Variants in DLGAP2 observed in about 807,000 individuals in gnomAD.
The protein encoded by DLGAP2 is disks large-associated protein 2.
DLGAP2 carries 26 observed loss-of-function variants against 100.3 expected under a neutral mutation model. That is an observed-to-expected ratio of 0.26 (90% CI 0.19 to 0.36). The LOEUF (loss-of-function observed/expected upper bound fraction) is 0.36, where lower values mean the gene tolerates loss of function less well. DLGAP2 is among the 10% of genes least tolerant of loss of function. The pLI, the probability that DLGAP2 is intolerant of heterozygous loss-of-function variation, is 1.00. For missense variants in DLGAP2, 1,858 were observed against 1,453.2 expected, an observed-to-expected ratio of 1.28 and a Z score of -4.53; for synonymous variants, 886 against 630.1, an observed-to-expected ratio of 1.41 and a Z score of -6.08.
chr8:1,312,748 G>T (rs1477902434), intron 3 of DLGAP2, among the ~76,000 whole-genome samples: 4 of 152,150 alleles, frequency 2.6e-5, no homozygotes, highest in Non-Finnish European at 5.9e-5. Context: ...AATTAACTTG[G>T]AATTCATCCC....
intron 2 of DLGAP2, among the ~76,000 whole-genome samples, chr8:1,096,418 G>A (rs985203944): frequency 2.6e-5 from 4 of 152,254 alleles, no homozygotes; most frequent in Non-Finnish European, 4.4e-5. Context: ...AGGAGAAGCA[G>A]CAGCACTCAA....
intron 2 of DLGAP2, among the ~76,000 whole-genome samples, chr8:1,141,126 C>T (rs1235150187): frequency 6.6e-6 from 1 of 152,120 alleles, no homozygotes; most frequent in Non-Finnish European, 1.5e-5. Flanking sequence ...GCCGTGCTGC[C>T]TGGAAAAGGC....
intron 8 of DLGAP2, among the ~76,000 whole-genome samples, chr8:1,665,357 G>A (rs757932083): frequency 8.5e-5 from 13 of 152,062 alleles, no homozygotes; most frequent in Admixed American, 3.3e-4. Context: ...AAATTTTCTG[G>A]GCAGGTCACT....
chr8:927,270 A>C (rs993357865), intron 2 of DLGAP2: 1 of 978,106 alleles, frequency 1.0e-6, no homozygotes, highest in African/African-American at 1.8e-5. Flanking sequence ...TGATGAGCCT[A>C]TGGGGATTTT....
At chr8:747,769 G>T (rs183190759) in intron 1 of DLGAP2, among the ~76,000 whole-genome samples, 1 of 32,548 alleles carries the variant, frequency 3.1e-5, no homozygotes, top group African/African-American at 2.4e-4. Context: ...GGTCTCTGCG[G>T]TGGGATGGGG....
intron 2 of DLGAP2, among the ~76,000 whole-genome samples, chr8:1,206,316 G>T (rs1242449914): frequency 7.4e-6 from 1 of 134,388 alleles, no homozygotes; most frequent in Non-Finnish European, 1.6e-5. Context: ...CCAGGCATCC[G>T]TGGACTGGGG....
At chr8:1,410,785 T>C (rs568636963) in intron 3 of DLGAP2, among the ~76,000 whole-genome samples, 1 of 152,092 alleles carries the variant, frequency 6.6e-6, no homozygotes, top group South Asian at 2.1e-4. Context: ...TTTCCCAGAT[T>C]ATGGCCACCT....
chr8:1,357,241 G>A (rs763880845), intron 3 of DLGAP2, among the ~76,000 whole-genome samples: 2 of 152,066 alleles, frequency 1.3e-5, no homozygotes, highest in African/African-American at 2.4e-5. Flanking sequence ...CTCTCAGACT[G>A]CAGAGTGTGC....
chr8:1,521,136 T>C (rs550722594), intron 4 of DLGAP2, among the ~76,000 whole-genome samples: 34 of 151,372 alleles, frequency 2.2e-4, no homozygotes, highest in Middle Eastern at 6.8e-3. Flanking sequence ...ACACTTGTTT[T>C]AATTTGGAAT....
At chr8:1,378,536 A>C (rs1445495876) in intron 3 of DLGAP2, among the ~76,000 whole-genome samples, 33 of 92,640 alleles carry the variant, frequency 3.6e-4, no homozygotes, top group East Asian at 5.8e-4. Flanking sequence ...CCTGTCCCTG[A>C]CACACACAGC....
intron 2 of DLGAP2, among the ~76,000 whole-genome samples, chr8:1,091,180 C>T (rs1347168025): frequency 1.3e-5 from 2 of 152,206 alleles, no homozygotes; most frequent in Admixed American, 6.5e-5. Context: ...TGCATCTCTT[C>T]CTGGTCATGT....
At chr8:1,327,098 C>T (rs1298416017) in intron 3 of DLGAP2, among the ~76,000 whole-genome samples, 1 of 152,252 alleles carries the variant, frequency 6.6e-6, no homozygotes, top group African/African-American at 2.4e-5. Context: ...CGTGGCCCAG[C>T]CGTCTCCTGA....
In DLGAP2 at chr8:1,683,834, C is replaced by CTATATATATATATATA. The variant is rs35210879; in HGVS notation, c.2704+5213_2704+5228dup. Among the ~76,000 whole-genome samples the CTATATATATATATATA allele has an allele frequency of 3.2e-4, 18 of 56,168 alleles. 1 individual carries two copies. The highest frequency in any genetic ancestry group is 6.6e-4 in the African/African-American group (7 of 10,534). 36.8% of individuals were successfully genotyped at this position (56,168 alleles called of 152,430 possible). A position where few individuals can be genotyped will look rare whatever the true frequency, so the allele number is the denominator to read the frequency against. ...CCTGATTTTCCTTGTCTTTGCTCCA[C>CTATATATATATATATA]TATATATATATATATATATATATGT... On this transcript the variant is annotated intron_variant, in intron 12 of 14. Transcript: ENST00000637795.
intron 12 of DLGAP2, among the ~76,000 whole-genome samples, chr8:1,683,856 A>ATATATATATATGTG (rs1467438870): frequency 3.2e-5 from 2 of 62,228 alleles, no homozygotes; most frequent in Admixed American, 1.9e-4. Context: ...ATATATATAT[A>ATATATATATATGTG]TGTGTGTGTG....
chr8:1,341,379 T>C (rs1316859940), intron 3 of DLGAP2, among the ~76,000 whole-genome samples: 1 of 152,238 alleles, frequency 6.6e-6, no homozygotes, highest in African/African-American at 2.4e-5. Flanking sequence ...GTACATTTAA[T>C]TTTATTAGAT....
chr8:876,849 C>T (rs1031388177), intron 1 of DLGAP2, among the ~76,000 whole-genome samples: 1 of 152,130 alleles, frequency 6.6e-6, no homozygotes, highest in Non-Finnish European at 1.5e-5. Context: ...CTTTAGCTTG[C>T]AGAACATCTA....
chr8:1,123,065 G>A (rs779125483), intron 2 of DLGAP2, among the ~76,000 whole-genome samples: 3 of 152,170 alleles, frequency 2.0e-5, no homozygotes, highest in Non-Finnish European at 4.4e-5. Context: ...ATATTCAAAT[G>A]TATTTGAAAA....
At chr8:1,335,984 T>A (rs927335297) in intron 3 of DLGAP2, among the ~76,000 whole-genome samples, 2 of 152,120 alleles carry the variant, frequency 1.3e-5, no homozygotes, top group Non-Finnish European at 2.9e-5. Context: ...TTGTGCTTTT[T>A]CCGGTAAAGA....
At chr8:1,240,396 G>A (rs1246248196) in intron 2 of DLGAP2, among the ~76,000 whole-genome samples, 2 of 148,378 alleles carry the variant, frequency 1.3e-5, no homozygotes, top group Non-Finnish European at 3.0e-5. Context: ...CTCTCACATG[G>A]CACCATGTCT....
Sources: gnomAD v4.1 joint callset for allele counts (sites outside exome capture counted in the v4.1 genomes callset) on GRCh38, gnomAD v4.1.1 for gene constraint, MANE v1.5 for transcripts, NCBI Gene and HGNC (gene_info 2026-07-23, HGNC 2026-07-21) for gene names.